The following PAPPA2 variants were observed in gnomAD, a reference collection of about 807,000 sequenced individuals.
PAPPA2 encodes the protein pappalysin-2.
PAPPA2 carries 86 observed loss-of-function variants against 176.4 expected under a neutral mutation model. The observed-to-expected ratio is 0.49, with a 90% confidence interval of 0.41 to 0.58. The LOEUF (loss-of-function observed/expected upper bound fraction) is 0.58. Among genes scored for constraint, PAPPA2 ranks in the 20% least tolerant of loss-of-function variants. The pLI is 0.00. For synonymous variants in PAPPA2, 809 were observed against 852.2 expected, an observed-to-expected ratio of 0.95 and a Z score of 0.88; for missense variants, 2,073 against 2,256.9, an observed-to-expected ratio of 0.92 and a Z score of 1.65.
At chr1:176,753,629 T>C (rs1293526528) in intron 14 of PAPPA2, among the ~76,000 whole-genome samples, 1 of 151,074 alleles carries the variant, frequency 6.6e-6, no homozygotes, top group East Asian at 1.9e-4. Flanking sequence ...TCCTCATCTA[T>C]TATTTTTATC....
chr1:176,714,708 T>C (rs1429268884), intron 12 of PAPPA2, among the ~76,000 whole-genome samples: 1 of 152,228 alleles, frequency 6.6e-6, no homozygotes. Flanking sequence ...TATTTTCTTC[T>C]TGATTATAAT....
At chr1:176,537,920 G>A (rs1410795792) in intron 1 of PAPPA2, among the ~76,000 whole-genome samples, 1 of 151,784 alleles carries the variant, frequency 6.6e-6, no homozygotes, top group African/African-American at 2.4e-5. Flanking sequence ...CATGTTTCAT[G>A]GATTCCTTCT....
intron 4 of PAPPA2, 43 bp downstream of exon 4, chr1:176,671,158 A>G (rs1263057626): frequency 6.2e-7 from 1 of 1,603,026 alleles, no homozygotes; most frequent in South Asian, 1.1e-5. Context: ...AAAAACAAAG[A>G]AGGCTGAAGG....
chr1:176,810,134 C>A (rs574336728), intron 21 of PAPPA2, among the ~76,000 whole-genome samples: 5 of 152,094 alleles, frequency 3.3e-5, no homozygotes, highest in Non-Finnish European at 7.4e-5. Flanking sequence ...CCAGTGCAGA[C>A]GCCCCACATT....
At chr1:176,604,369 A>C (rs1654497522) in intron 3 of PAPPA2, among the ~76,000 whole-genome samples, 1 of 152,254 alleles carries the variant, frequency 6.6e-6, no homozygotes, top group African/African-American at 2.4e-5. Context: ...GGCGACTCTC[A>C]TACTATAACA....
chr1:176,707,271 G>A (rs1439264021), intron 10 of PAPPA2, among the ~76,000 whole-genome samples: 1 of 152,170 alleles, frequency 6.6e-6, no homozygotes, highest in Non-Finnish European at 1.5e-5. Flanking sequence ...AATTTATTAA[G>A]GTGTTAAGTA....
At chr1:176,650,176 G>T (rs1657636885) in intron 3 of PAPPA2, among the ~76,000 whole-genome samples, 1 of 151,222 alleles carries the variant, frequency 6.6e-6, no homozygotes. Flanking sequence ...TACAGTCTTT[G>T]ATTTGTAGTA....
chr1:176,705,643 A>G (rs16850104), intron 9 of PAPPA2, among the ~76,000 whole-genome samples: 27,829 of 152,184 alleles, frequency 0.18, 2,701 homozygotes, highest in African/African-American at 0.25. Flanking sequence ...CCGTTTCACT[A>G]TAAACTAACT....
intron 14 of PAPPA2, among the ~76,000 whole-genome samples, chr1:176,761,106 C>T (rs1478703670): frequency 6.6e-6 from 1 of 152,138 alleles, no homozygotes; most frequent in Non-Finnish European, 1.5e-5. Context: ...CAGATATGAG[C>T]CACCGCACCC....
At chr1:176,750,791 C>G (rs190461365) in intron 14 of PAPPA2, among the ~76,000 whole-genome samples, 32 of 152,170 alleles carry the variant, frequency 2.1e-4, no homozygotes, top group Middle Eastern at 3.4e-3. Flanking sequence ...GGAAATGGAT[C>G]ATTATAAAAC....
intron 1 of PAPPA2, among the ~76,000 whole-genome samples, chr1:176,541,658 G>A (rs138431796): frequency 2.4e-4 from 36 of 152,274 alleles, no homozygotes; most frequent in Admixed American, 2.1e-3. Context: ...GATCCACATC[G>A]AGAAGCTCAT....
rs539632545 is a variant in PAPPA2, at chr1:176,613,892, G to A, written c.1991+18297G>A. On this transcript the variant is annotated intron_variant, in intron 3 of 22. Coordinates refer to ENST00000367662, the MANE Select transcript of PAPPA2 (RefSeq NM_020318.3). ...AGTGTTGTCCACGGTGGGGCCCCCA[G>A]AGAGGCTGCAGGCTTGGTGACCAAA... Among the ~76,000 whole-genome samples, 4 of 152,264 alleles carry A rather than the reference G, an allele frequency of 2.6e-5. No individual in the cohort carries two copies. In the South Asian group the frequency reaches 8.3e-4, roughly 32 times the overall value.
intron 8 of PAPPA2, among the ~76,000 whole-genome samples, chr1:176,700,564 T>C (rs1660605600): frequency 6.6e-6 from 1 of 152,238 alleles, no homozygotes; most frequent in Non-Finnish European, 1.5e-5. Flanking sequence ...TGAGGGCCTC[T>C]TTCCTCATGG....
At chr1:176,603,896 C>G (rs1459655190) in intron 3 of PAPPA2, among the ~76,000 whole-genome samples, 2 of 152,152 alleles carry the variant, frequency 1.3e-5, no homozygotes, top group African/African-American at 2.4e-5. Flanking sequence ...ATTCCTCTCC[C>G]CCTAATTCTC....
intron 12 of PAPPA2, among the ~76,000 whole-genome samples, chr1:176,738,742 C>G (rs1376755537): frequency 6.6e-6 from 1 of 152,092 alleles, no homozygotes; most frequent in Non-Finnish European, 1.5e-5. Flanking sequence ...GTAGAATTAC[C>G]ATATCAAATA....
At chr1:176,827,744 T>G (rs568618362) in intron 21 of PAPPA2, among the ~76,000 whole-genome samples, 17 of 152,310 alleles carry the variant, frequency 1.1e-4, no homozygotes, top group African/African-American at 3.8e-4. Flanking sequence ...TGGTGCCTTG[T>G]GCATAGCAGA....
chr1:176,553,953 C>T (rs943184358), intron 1 of PAPPA2, among the ~76,000 whole-genome samples: 12 of 150,952 alleles, frequency 7.9e-5, no homozygotes, highest in African/African-American at 2.9e-4. Flanking sequence ...AATCTTTATT[C>T]TTGAGCTGCT....
In PAPPA2 at chr1:176,595,547, A is replaced by G. The variant is rs200038025; in HGVS notation, c.1943A>G (p.Gln648Arg). 11 of 1,614,088 alleles carry G rather than the reference A, an allele frequency of 6.8e-6. No individual in the cohort carries two copies. The Admixed American group carries it at 1.8e-4, about 27-fold the overall frequency. ...GACGACGGAGACTGCTGCGACCCCC[A>G]GGTGGCTGATGTGCGCAAGACCTGC... is the stretch of plus-strand genomic sequence containing the variant. ...DFDDGDCCDPQVADVRKTCFD... is the reference protein window; with the variant it reads ...DFDDGDCCDPRVADVRKTCFD... Residue 648 changes from glutamine (Q) to arginine (R), a missense_variant, in exon 3 of 23, where the codon CAG becomes CGG. Physicochemically the swap from Gln to Arg is conservative, Grantham distance 43. Around this residue, in one of 4 missense-constraint regions of PAPPA2, gnomAD observed 1,196 missense variants for 1,330.4 expected, o/e 0.90. Coordinates refer to ENST00000367662, the MANE Select transcript of PAPPA2 (RefSeq NM_020318.3).
intron 14 of PAPPA2, among the ~76,000 whole-genome samples, chr1:176,752,069 A>G (rs1663200691): frequency 8.6e-6 from 1 of 116,440 alleles, no homozygotes; most frequent in Admixed American, 9.7e-5. Context: ...GGAAACCATC[A>G]TTCTCAGTAA....
Sources: gnomAD v4.1 joint callset for allele counts (sites outside exome capture counted in the v4.1 genomes callset) on GRCh38, gnomAD v4.1.1 for gene constraint, gnomAD v4.1.1 regional missense constraint, MANE v1.5 for transcripts, NCBI Gene and HGNC (gene_info 2026-07-23, HGNC 2026-07-21) for gene names.